The following KCNQ3 variants were observed in gnomAD, a reference collection of about 807,000 sequenced individuals.
The protein encoded by KCNQ3 is potassium voltage-gated channel subfamily KQT member 3.
In KCNQ3, 30 loss-of-function variants were observed where a neutral mutation model predicts 92.5. The ratio of observed to expected loss-of-function variants is 0.32; its 90% CI spans 0.24 to 0.44. The LOEUF (loss-of-function observed/expected upper bound fraction) is 0.44, where lower values mean the gene tolerates loss of function less well. KCNQ3 is among the 20% of genes least tolerant of loss of function. The pLI, the probability that KCNQ3 is intolerant of heterozygous loss-of-function variation, is 1.00. For synonymous variants in KCNQ3, 450 were observed against 468.8 expected, an observed-to-expected ratio of 0.96 and a Z score of 0.52; for missense variants, 913 against 1,140.3, an observed-to-expected ratio of 0.80 and a Z score of 2.87.
intron 1 of KCNQ3, among the ~76,000 whole-genome samples, chr8:132,322,040 CAGA>C (rs201046178): frequency 0.012 from 1,804 of 151,978 alleles, 12 homozygotes; most frequent in Non-Finnish European, 0.018. Flanking sequence ...CAAGGTGTGG[CAGA>C]AGAAGGAGAG....
intron 1 of KCNQ3, among the ~76,000 whole-genome samples, chr8:132,237,487 C>A (rs1311308406): frequency 6.6e-6 from 1 of 152,144 alleles, no homozygotes; most frequent in African/African-American, 2.4e-5. Flanking sequence ...TACAGCATAG[C>A]CAAGATTCTA....
At chr8:132,273,182 T>C (rs1318378909) in intron 1 of KCNQ3, among the ~76,000 whole-genome samples, 2 of 152,246 alleles carry the variant, frequency 1.3e-5, no homozygotes, top group East Asian at 3.9e-4. Flanking sequence ...TCCATGAGGT[T>C]ACCCAACCCT....
At chr8:132,218,605 T>C (rs1814118801) in intron 1 of KCNQ3, among the ~76,000 whole-genome samples, 1 of 152,104 alleles carries the variant, frequency 6.6e-6, no homozygotes, top group Non-Finnish European at 1.5e-5. Context: ...ATTTTACAGG[T>C]GAGAAAAACT....
Position 132,480,408 on chromosome 8 carries a change from T to G in KCNQ3, c.125A>C (p.Lys42Thr). Residue 42 changes from lysine to threonine, a missense_variant, in exon 1 of 15, where the codon AAA becomes ACA. Physicochemically the swap from Lys to Thr is moderately conservative, Grantham distance 78 (BLOSUM62 -1). Around this residue, in one of 6 missense-constraint regions of KCNQ3, gnomAD observed 183 missense variants for 167.7 expected, o/e 1.09. Transcript: ENST00000388996. ...CACGTCGCCGGGCGCCAGCCCCACT[T>G]TCCGCTCCTCGTCGCCGGCCGCCGC... is the stretch of plus-strand genomic sequence containing the variant. ...DAAAAGDEER[K>T]VGLAPGDVEQ... The G allele has an allele frequency of 6.6e-7, 1 of 1,515,326 alleles. No homozygotes were observed. Among genetic ancestry groups the G allele is most frequent in the Non-Finnish European group, 8.8e-7 (1 of 1,138,492 alleles). 93.9% of individuals were successfully genotyped at this position (1,515,326 alleles called of 1,614,324 possible).
At chr8:132,464,334 T>C (rs966355387) in intron 1 of KCNQ3, among the ~76,000 whole-genome samples, 5 of 152,194 alleles carry the variant, frequency 3.3e-5, no homozygotes, top group South Asian at 2.1e-4. Context: ...CCAGTACTTA[T>C]GTCCATGTCT....
intron 1 of KCNQ3, among the ~76,000 whole-genome samples, chr8:132,191,495 C>T (rs1465725842): frequency 6.6e-6 from 1 of 151,496 alleles, no homozygotes; most frequent in Non-Finnish European, 1.5e-5. Context: ...TCTATCCACA[C>T]ACATACATAT....
At chr8:132,244,317 A>G (rs1485727660) in intron 1 of KCNQ3, among the ~76,000 whole-genome samples, 1 of 152,066 alleles carries the variant, frequency 6.6e-6, no homozygotes, top group African/African-American at 2.4e-5. Flanking sequence ...GTAAAATGAA[A>G]AAAGAGAATA....
In KCNQ3 at chr8:132,364,702, T is replaced by C. The variant is rs138359725; in HGVS notation, c.386+115445A>G. Among the ~76,000 whole-genome samples, 9 of 136,026 alleles carry C rather than the reference T, an allele frequency of 6.6e-5. No individual in the cohort carries two copies. In the South Asian group the frequency reaches 2.0e-3, roughly 31 times the overall value. The allele number at this position is 136,026 out of a possible 152,430, so 89.2% of individuals were successfully genotyped here. ...ACGGACGGACGGACGGACGGATGGATGGATGGATGGATGGATGGACGATGA... is the reference window on the plus strand; with the variant it reads ...ACGGACGGACGGACGGACGGATGGACGGATGGATGGATGGATGGACGATGA... On this transcript the variant is annotated intron_variant, in intron 1 of 14. Transcript: ENST00000388996.
intron 1 of KCNQ3, among the ~76,000 whole-genome samples, chr8:132,393,086 C>A (rs893143999): frequency 6.6e-6 from 1 of 152,154 alleles, no homozygotes; most frequent in Non-Finnish European, 1.5e-5. Flanking sequence ...CTCTCCTACC[C>A]TTCCCCAACA....
chr8:132,275,605 T>A (rs1160271588), intron 1 of KCNQ3, among the ~76,000 whole-genome samples: 1 of 149,796 alleles, frequency 6.7e-6, no homozygotes, highest in Non-Finnish European at 1.5e-5. Flanking sequence ...TTAGACAGAG[T>A]CTTGCTCTGT....
chr8:132,178,715 T>G (rs963428707), intron 4 of KCNQ3, among the ~76,000 whole-genome samples: 2 of 151,906 alleles, frequency 1.3e-5, no homozygotes, highest in African/African-American at 4.8e-5. Context: ...TCTAGGTGCA[T>G]CCTTGAGATA....
At chr8:132,307,459 G>A (rs1422259408) in intron 1 of KCNQ3, among the ~76,000 whole-genome samples, 6 of 152,208 alleles carry the variant, frequency 3.9e-5, no homozygotes, top group Non-Finnish European at 8.8e-5. Context: ...GAAACGTGGG[G>A]CTTAGTTCTT....
intron 1 of KCNQ3, among the ~76,000 whole-genome samples, chr8:132,218,135 C>A (rs1403153021): frequency 6.6e-6 from 1 of 152,106 alleles, no homozygotes; most frequent in Non-Finnish European, 1.5e-5. Flanking sequence ...TGCCTGTACC[C>A]CACGGAGAAA....
chr8:132,269,264 G>A (rs1400141234), intron 1 of KCNQ3, among the ~76,000 whole-genome samples: 1 of 151,996 alleles, frequency 6.6e-6, no homozygotes, highest in Non-Finnish European at 1.5e-5. Context: ...CTTTGGTGTT[G>A]CATTAAAAAA....
At chr8:132,447,174 C>T (rs768231629) in intron 1 of KCNQ3, 2 of 1,528,900 alleles carry the variant, frequency 1.3e-6, no homozygotes, top group Non-Finnish European at 8.8e-7. Context: ...GTTTTCATAT[C>T]CCCAAAATGA....
chr8:132,267,370 T>A (rs1424806979), intron 1 of KCNQ3, among the ~76,000 whole-genome samples: 1 of 152,192 alleles, frequency 6.6e-6, no homozygotes, highest in African/African-American at 2.4e-5. Flanking sequence ...ACGTCCTCTG[T>A]GCCAGGCACT....
intron 1 of KCNQ3, among the ~76,000 whole-genome samples, chr8:132,269,960 A>G (rs1816101825): frequency 6.6e-6 from 1 of 152,198 alleles, no homozygotes; most frequent in Admixed American, 6.5e-5. Context: ...CAATCCAGAC[A>G]TATCTATATT....
intron 1 of KCNQ3, among the ~76,000 whole-genome samples, chr8:132,431,477 C>T (rs558857312): frequency 1.3e-5 from 2 of 152,286 alleles, no homozygotes; most frequent in Admixed American, 6.5e-5. Flanking sequence ...CGGTGATGTC[C>T]CTGAATCTCC....
At chr8:132,157,994 G>A (rs1045859950) in intron 9 of KCNQ3, among the ~76,000 whole-genome samples, 1 of 152,118 alleles carries the variant, frequency 6.6e-6, no homozygotes, top group Non-Finnish European at 1.5e-5. Context: ...ATAATTCAGA[G>A]GGGAATTACA....
Sources: gnomAD v4.1 joint callset for allele counts (sites outside exome capture counted in the v4.1 genomes callset) on GRCh38, gnomAD v4.1.1 for gene constraint, gnomAD v4.1.1 regional missense constraint, MANE v1.5 for transcripts, NCBI Gene and HGNC (gene_info 2026-07-23, HGNC 2026-07-21) for gene names.